Variants in SMAP1 observed in about 807,000 individuals in gnomAD.
The protein encoded by SMAP1 is small ArfGAP 1, also known as stromal membrane-associated protein 1.
Under a neutral mutation model 58.5 loss-of-function variants are expected in SMAP1, and 24 were observed. The ratio of observed to expected loss-of-function variants is 0.41; its 90% CI spans 0.30 to 0.58. SMAP1 has a LOEUF of 0.58. Ranked by LOEUF, SMAP1 falls within the 20% of genes least tolerant of loss-of-function variation. The pLI is 0.29. For missense variants in SMAP1, 563 were observed against 566.3 expected (o/e 0.99, Z 0.06); for synonymous variants, 216 against 196.6 (o/e 1.10, Z -0.82).
chr6:70,735,142 AACTTG>A (rs1293044300), intron 2 of SMAP1, among the ~76,000 whole-genome samples: 1 of 152,158 alleles, frequency 6.6e-6, no homozygotes, highest in African/African-American at 2.4e-5. Flanking sequence ...AAAAAGAAAA[AACTTG>A]ACTTATAATT....
intron 6 of SMAP1, among the ~76,000 whole-genome samples, chr6:70,832,248 C>T (rs550622794): frequency 5.9e-5 from 9 of 152,174 alleles, no homozygotes; most frequent in Admixed American, 1.3e-4. Context: ...GCTGTGCAGA[C>T]GCTCTTTAGC....
intron 6 of SMAP1, among the ~76,000 whole-genome samples, chr6:70,810,098 G>A (rs1218115306): frequency 6.6e-6 from 1 of 152,110 alleles, no homozygotes; most frequent in Non-Finnish European, 1.5e-5. Flanking sequence ...TGTCTTGTTT[G>A]GTAAATGTAT....
intron 3 of SMAP1, among the ~76,000 whole-genome samples, chr6:70,772,106 T>C (rs945180933): frequency 2.0e-5 from 3 of 152,100 alleles, no homozygotes; most frequent in African/African-American, 7.2e-5. Flanking sequence ...CTTGGGGATA[T>C]GAGATGAAGC....
At chr6:70,843,170 A>G (rs867563808) in intron 7 of SMAP1, among the ~76,000 whole-genome samples, 1 of 139,712 alleles carries the variant, frequency 7.2e-6, no homozygotes, top group East Asian at 2.4e-4. Context: ...CCCCCTTTTT[A>G]AAATTAACTA....
At chr6:70,802,579 G>T (rs1478079055) in intron 6 of SMAP1, among the ~76,000 whole-genome samples, 1 of 152,140 alleles carries the variant, frequency 6.6e-6, no homozygotes, top group Non-Finnish European at 1.5e-5. Flanking sequence ...TCCTTGTCTT[G>T]TTCCGGTTTT....
intron 1 of SMAP1, among the ~76,000 whole-genome samples, chr6:70,682,890 T>C (rs937744572): frequency 3.9e-5 from 6 of 151,916 alleles, no homozygotes; most frequent in Non-Finnish European, 7.4e-5. Context: ...ATACAAAAAT[T>C]AGCCAGGCGT....
chr6:70,794,330 A>G (rs1330890313), intron 5 of SMAP1, among the ~76,000 whole-genome samples: 2 of 152,190 alleles, frequency 1.3e-5, no homozygotes, highest in African/African-American at 2.4e-5. Flanking sequence ...CTGTGGGTCA[A>G]ACTGCATGAT....
chr6:70,805,694 T>C (rs1464335425), intron 6 of SMAP1, among the ~76,000 whole-genome samples: 1 of 152,214 alleles, frequency 6.6e-6, no homozygotes, highest in African/African-American at 2.4e-5. Context: ...TTGGTGTGGA[T>C]GTCCTTTTTG....
intron 6 of SMAP1, among the ~76,000 whole-genome samples, chr6:70,824,718 C>T (rs1770039824): frequency 6.6e-6 from 1 of 152,142 alleles, no homozygotes; most frequent in African/African-American, 2.4e-5. Context: ...CAGAAACTAA[C>T]TCTACTGTTT....
chr6:70,682,773 C>T (rs1766773090), intron 1 of SMAP1, among the ~76,000 whole-genome samples: 1 of 152,168 alleles, frequency 6.6e-6, no homozygotes, highest in Non-Finnish European at 1.5e-5. Context: ...TGCTGTGGCT[C>T]ATGCCTGTAA....
chr6:70,697,457 C>G (rs536301075), intron 1 of SMAP1, among the ~76,000 whole-genome samples: 1 of 152,004 alleles, frequency 6.6e-6, no homozygotes, highest in Non-Finnish European at 1.5e-5. Context: ...AGGTGCCCAC[C>G]ACCACACCCA....
chr6:70,839,112 A>G (rs1044296141), intron 7 of SMAP1, among the ~76,000 whole-genome samples: 8 of 152,168 alleles, frequency 5.3e-5, no homozygotes, highest in African/African-American at 1.7e-4. Context: ...TGCATAGTAA[A>G]TAAGCCTCAG....
In SMAP1 at chr6:70,860,249, C is replaced by T; in HGVS notation, c.1319C>T (p.Ala440Val). The T allele has an allele frequency of 1.2e-6, 2 of 1,613,604 alleles. No homozygotes were observed. The part of the protein sequence containing the change: ...GMSISSATPT[A>V]GFGQPSSTTA... ...AGTATCAGTAGTGCAACCCCTACTGCAGGTTTTGGCCAGCCCTCCAGCACA... is the reference window on the plus strand; with the variant it reads ...AGTATCAGTAGTGCAACCCCTACTGTAGGTTTTGGCCAGCCCTCCAGCACA... The change falls in exon 11 of 11, where the codon GCA (alanine) becomes GTA (valine). Residue 440 changes from alanine (A) to valine (V), a missense_variant. This residue lies in a region of SMAP1 where 494 missense variants were observed against 473.8 expected (regional missense o/e 1.04). Transcript: ENST00000370455.
intron 2 of SMAP1, among the ~76,000 whole-genome samples, chr6:70,739,391 A>G (rs1271941779): frequency 6.6e-6 from 1 of 152,184 alleles, no homozygotes; most frequent in African/African-American, 2.4e-5. Flanking sequence ...TTAAAATGAT[A>G]TAACTGGCTC....
At chr6:70,731,095 C>T (rs1377160945) in intron 1 of SMAP1, among the ~76,000 whole-genome samples, 1 of 152,200 alleles carries the variant, frequency 6.6e-6, no homozygotes, top group Non-Finnish European at 1.5e-5. Flanking sequence ...CCACTGTGTC[C>T]AGCTACTTGA....
chr6:70,861,546 AG>A lies in SMAP1; in HGVS notation c.*1214del, dbSNP rs1178847536. 2.4e-6 allele frequency: 2 copies of A among 841,906 alleles called. No homozygotes were observed. The highest frequency in any genetic ancestry group is 3.8e-6 in the Non-Finnish European group (2 of 530,486). 52.2% of individuals were successfully genotyped at this position (841,906 alleles called of 1,614,324 possible). On this transcript the variant is annotated 3_prime_UTR_variant, in exon 11 of 11. Transcript: ENST00000370455. ...ACAGATGTCCATCAGATGACAAGAA[AG>A]GCTGCTGTACTGAAGTAAAACAAAC...
At chr6:70,769,291 A>G (rs897216522) in intron 3 of SMAP1, among the ~76,000 whole-genome samples, 24 of 152,134 alleles carry the variant, frequency 1.6e-4, no homozygotes, top group Non-Finnish European at 3.2e-4. Flanking sequence ...GCTGAGTTCA[A>G]TTCCTGGGTA....
intron 6 of SMAP1, among the ~76,000 whole-genome samples, chr6:70,829,473 G>A (rs1337517111): frequency 6.6e-6 from 1 of 151,918 alleles, no homozygotes; most frequent in Non-Finnish European, 1.5e-5. Context: ...GTTAAGCATT[G>A]GGTAAATATT....
intron 2 of SMAP1, among the ~76,000 whole-genome samples, chr6:70,735,536 G>C (rs1314141515): frequency 6.6e-6 from 1 of 152,158 alleles, no homozygotes; most frequent in Non-Finnish European, 1.5e-5. Context: ...CCAGAACTTT[G>C]GGTGGCCAAA....
Sources: allele counts gnomAD v4.1 joint callset (sites outside exome capture counted in the v4.1 genomes callset), GRCh38; gene constraint gnomAD v4.1.1; regional missense constraint gnomAD v4.1.1; transcripts MANE v1.5; gene names NCBI Gene and HGNC (gene_info 2026-07-23, HGNC 2026-07-21).